Variants in GRAMD1A observed in about 807,000 individuals in gnomAD.
The protein encoded by GRAMD1A is GRAM domain containing 1A, also known as protein Aster-A.
GRAMD1A carries 50 observed loss-of-function variants against 92.0 expected under a neutral mutation model. The ratio of observed to expected loss-of-function variants is 0.54; its 90% CI spans 0.43 to 0.69. The LOEUF is 0.69. Among genes scored for constraint, GRAMD1A ranks in the 30% least tolerant of loss-of-function variants. The probability of loss-of-function intolerance (pLI) is 0.00; values close to 1 mark genes in which losing one functional copy is unlikely to be tolerated. For missense variants in GRAMD1A, 819 were observed against 978.9 expected (o/e 0.84, Z 2.18); for synonymous variants, 405 against 403.6 (o/e 1.00, Z -0.04).
chr19:35,013,482 C>A lies in GRAMD1A; in HGVS notation c.720-59C>A. ...ATGGTTGTATGACGTCTGGAGGATTCAGGAGGGTGTATGGGGTCTCAAGGA... is the reference window on the plus strand; with the variant it reads ...ATGGTTGTATGACGTCTGGAGGATTAAGGAGGGTGTATGGGGTCTCAAGGA... On this transcript the variant is annotated intron_variant, in intron 8 of 19. Coordinates refer to ENST00000317991, the MANE Select transcript of GRAMD1A (RefSeq NM_020895.5). The surrounding 1 kb of genome is among the most constrained non-coding windows in gnomAD (Gnocchi z 4.9). 6.4e-7 allele frequency: 1 copy of A among 1,564,944 alleles called. No homozygotes were observed. Among genetic ancestry groups the A allele is most frequent in the Non-Finnish European group, 8.7e-7 (1 of 1,143,478 alleles).
Position 35,000,730 on chromosome 19 carries a change from C to T in GRAMD1A, c.8+244C>T, listed in dbSNP as rs573094167. ...CGGGGTCTGGGTCGCCACTGCCGGCCCGCGACGCACTGGGTTGCGGGGTTT... is the reference window on the plus strand; with the variant it reads ...CGGGGTCTGGGTCGCCACTGCCGGCTCGCGACGCACTGGGTTGCGGGGTTT... On this transcript the variant is annotated intron_variant, in intron 1 of 19. Coordinates refer to ENST00000317991, the MANE Select transcript of GRAMD1A (RefSeq NM_020895.5). The surrounding 1 kb of genome is among the most constrained non-coding windows in gnomAD (Gnocchi z 4.9). Among the ~76,000 whole-genome samples, 1 of 151,948 alleles carries T rather than the reference C, an allele frequency of 6.6e-6. No individual in the cohort carries two copies. Among genetic ancestry groups the T allele is most frequent in the East Asian group, 1.9e-4 (1 of 5,144 alleles).
chr19:35,010,744 A>C (rs1254427296), intron 6 of GRAMD1A: 1 of 521,882 alleles, frequency 1.9e-6, no homozygotes, highest in Non-Finnish European at 3.4e-6. Flanking sequence ...GCGGTCCAAC[A>C]AGAAGGGGGA....
intron 19 of GRAMD1A, among the ~76,000 whole-genome samples, chr19:35,024,162 G>A (rs964261852): frequency 1.1e-4 from 16 of 152,304 alleles, no homozygotes; most frequent in South Asian, 6.2e-4. Flanking sequence ...GTGTGACCTC[G>A]TGCAAGTGAT....
chr19:34,997,759 A>G (rs2014101332), upstream of GRAMD1A, among the ~76,000 whole-genome samples: 1 of 152,154 alleles, frequency 6.6e-6, no homozygotes, highest in South Asian at 2.1e-4. Flanking sequence ...CTCCTGATGT[A>G]GAAAAAGGAC....
chr19:35,015,795 C>T (rs1173238461), intron 10 of GRAMD1A, 29 bp from the exon 11 acceptor site: 1 of 1,605,716 alleles, frequency 6.2e-7, no homozygotes, highest in Admixed American at 1.7e-5. Flanking sequence ...TGGAGGCAGT[C>T]ATCATCCTCG....
chr19:35,021,364 A>G lies in GRAMD1A; in HGVS notation c.1476-138A>G, dbSNP rs1038325384. ...GGTATCCAGGGAAGCCATGGGGGGT[A>G]GGGAACCCATCTGTTTTGTCTGTGA... On this transcript the variant is annotated intron_variant, in intron 13 of 19. Transcript: ENST00000317991. This position sits in a 1 kb window ranked among gnomAD's most constrained non-coding sequence, Gnocchi z 5.3. The G allele has an allele frequency of 7.9e-5, 53 of 667,684 alleles. No individual in the cohort carries two copies. The highest frequency in any genetic ancestry group is 1.3e-4 in the Non-Finnish European group (49 of 371,212). 41.4% of individuals were successfully genotyped at this position (667,684 alleles called of 1,614,324 possible).
At chr19:34,996,505 C>T (rs889384682), upstream of GRAMD1A, among the ~76,000 whole-genome samples, 2 of 152,182 alleles carry the variant, frequency 1.3e-5, no homozygotes, top group Non-Finnish European at 2.9e-5. Flanking sequence ...CTGAGTTCTG[C>T]CTAGTAAGAG....
intron 19 of GRAMD1A, chr19:35,023,879 G>A (rs1320430546): frequency 1.4e-5 from 3 of 213,172 alleles, no homozygotes; most frequent in Non-Finnish European, 2.8e-5. Context: ...TTCATTGGAG[G>A]CCACCCTTTT....
In GRAMD1A at chr19:35,019,245, T is replaced by G. The variant is rs1352361143; in HGVS notation, c.1268T>G (p.Leu423Arg). ...GDSKCHQRRV[L>R]TYTIPISNPL... Reference sequence around the variant, plus strand: ...AGCAAGTGCCACCAGCGCCGGGTGCTGACGTACACCATCCCCATCAGCAAC... The same window carrying G: ...AGCAAGTGCCACCAGCGCCGGGTGCGGACGTACACCATCCCCATCAGCAAC... The change falls in exon 12 of 20, where the codon CTG (leucine) becomes CGG (arginine). Residue 423 changes from leucine (L) to arginine (R), a missense_variant. Leu to Arg is a moderately radical substitution (Grantham distance 102). Around this residue, in one of 3 missense-constraint regions of GRAMD1A, gnomAD observed 577 missense variants for 674.6 expected, o/e 0.86. Coordinates refer to ENST00000317991, the MANE Select transcript of GRAMD1A (RefSeq NM_020895.5). 1.2e-6 allele frequency: 2 copies of G among 1,613,334 alleles called. No individual in the cohort carries two copies. The highest frequency in any genetic ancestry group is 2.7e-5 in the African/African-American group (2 of 74,988).
rs1288040082 is a variant in GRAMD1A at position 35,009,201 on chromosome 19, C to A, written c.91C>A (p.Pro31Thr). 6.2e-7 allele frequency: 1 copy of A among 1,613,196 alleles called. No individual in the cohort carries two copies. The highest frequency in any genetic ancestry group is 1.3e-5 in the African/African-American group (1 of 74,926). ...KRLQLLPPSR[P>T]PPEPEPGTMV... ...GCTGCAGCTCCTGCCCCCAAGCCGG[C>A]CCCCACCTGAGCCAGAACCAGGCAC... Residue 31 changes from proline (P) to threonine (T), a missense_variant, in exon 2 of 20, where the codon CCC becomes ACC. Coordinates refer to ENST00000317991, the MANE Select transcript of GRAMD1A (RefSeq NM_020895.5).
rs200713250 is a variant in GRAMD1A, at chr19:35,009,205, C to G, written c.95C>G (p.Pro32Arg). The G allele has an allele frequency of 8.0e-5, 129 of 1,613,730 alleles. No homozygotes were observed. The highest frequency in any genetic ancestry group is 1.1e-4 in the Non-Finnish European group (125 of 1,179,714). Residue 32 changes from proline to arginine, a missense_variant, in exon 2 of 20, where the codon CCA (proline) becomes CGA (arginine). Coordinates refer to ENST00000317991, the MANE Select transcript of GRAMD1A (RefSeq NM_020895.5). ...RLQLLPPSRPPPEPEPGTMVE... is the reference protein window; with the variant it reads ...RLQLLPPSRPRPEPEPGTMVE... ...CAGCTCCTGCCCCCAAGCCGGCCCC[C>G]ACCTGAGCCAGAACCAGGCACCATG...
rs559917997 is a variant in GRAMD1A, at chr19:35,017,530, C to T, written c.1213+1563C>T. 3.3e-5 allele frequency among the ~76,000 whole-genome samples: 5 copies of T among 152,240 alleles called. No homozygotes were observed. The South Asian group carries it at 1.0e-3, about 32-fold the overall frequency. On this transcript the variant is annotated intron_variant, in intron 11 of 19. Transcript: ENST00000317991. ...ATCTCTTTTGTAGCCTCCCAAGTTC[C>T]TTGGCTGGTCCCATGTCAACCCTTC...
intron 7 of GRAMD1A, among the ~76,000 whole-genome samples, chr19:35,012,518 C>T (rs546349342): frequency 3.3e-5 from 5 of 152,354 alleles, no homozygotes; most frequent in Admixed American, 6.5e-5. Context: ...CTCCCGAGGA[C>T]ACCTGGGAAA....
chr19:35,010,610 A>G (rs2015164977), intron 6 of GRAMD1A: 2 of 595,824 alleles, frequency 3.4e-6, no homozygotes, highest in South Asian at 4.0e-5. Context: ...CAGCAGAAAT[A>G]GTAAAACTCT....
upstream of GRAMD1A, among the ~76,000 whole-genome samples, chr19:34,997,490 A>G (rs1308136796): frequency 6.6e-6 from 1 of 152,128 alleles, no homozygotes; most frequent in Non-Finnish European, 1.5e-5. Flanking sequence ...GAGACAGGAA[A>G]TGGGAGGTTC....
Position 35,000,353 on chromosome 19 carries a change from G to A in GRAMD1A, c.-126G>A, listed in dbSNP as rs2014249874. 1.8e-6 allele frequency: 2 copies of A among 1,089,464 alleles called. No homozygotes were observed. The allele number at this position is 1,089,464 out of a possible 1,614,324, so 67.5% of individuals were successfully genotyped here. The stretch of plus-strand genomic sequence containing the variant: ...GTGCGGGCGGTTGGGTCGGGTGGGG[G>A]CGGCGGCCGCGGAAGGCCAGGCCGG... On this transcript the variant is annotated 5_prime_UTR_variant, in exon 1 of 20. Transcript: ENST00000317991. The surrounding 1 kb of genome is among the most constrained non-coding windows in gnomAD (Gnocchi z 4.9).
intron 13 of GRAMD1A, among the ~76,000 whole-genome samples, chr19:35,020,233 A>G (rs1437735132): frequency 6.6e-6 from 1 of 152,120 alleles, no homozygotes; most frequent in Non-Finnish European, 1.5e-5. Flanking sequence ...CTCTACAAAA[A>G]CAATTTTTTT....
At chr19:35,005,886 G>A (rs1263867252) in intron 1 of GRAMD1A, 1 of 456,270 alleles carries the variant, frequency 2.2e-6, no homozygotes, top group East Asian at 6.9e-5. Flanking sequence ...AGGCAAAGAA[G>A]AACTACGATC....
At chr19:35,020,492 C>T (rs540982351) in intron 13 of GRAMD1A, among the ~76,000 whole-genome samples, 13 of 151,966 alleles carry the variant, frequency 8.6e-5, no homozygotes, top group Admixed American at 3.9e-4. Context: ...GAGCCGAGAT[C>T]GGGCCACTGC....
Sources: allele counts gnomAD v4.1 joint callset (sites outside exome capture counted in the v4.1 genomes callset), GRCh38; gene constraint gnomAD v4.1.1; regional missense constraint gnomAD v4.1.1; non-coding constraint Gnocchi (gnomAD v3.1); transcripts MANE v1.5; gene names NCBI Gene and HGNC (gene_info 2026-07-23, HGNC 2026-07-21).